DGKB: variants seen among roughly 807,000 people sequenced by gnomAD.
The protein encoded by DGKB is diacylglycerol kinase beta.
DGKB carries 67 observed loss-of-function variants against 114.3 expected under a neutral mutation model. The ratio of observed to expected loss-of-function variants is 0.59; its 90% CI spans 0.48 to 0.72. The LOEUF (loss-of-function observed/expected upper bound fraction) is 0.72, where lower values mean the gene tolerates loss of function less well. Among genes scored for constraint, DGKB ranks in the 30% least tolerant of loss-of-function variants. The pLI, the probability that DGKB is intolerant of heterozygous loss-of-function variation, is 0.00. For missense variants in DGKB, 907 were observed against 975.2 expected (o/e 0.93, Z 0.93); for synonymous variants, 398 against 323.1 (o/e 1.23, Z -2.49).
chr7:14,966,437 T>C (rs1787154073), intron 1 of DGKB, among the ~76,000 whole-genome samples: 2 of 145,008 alleles, frequency 1.4e-5, no homozygotes, highest in Non-Finnish European at 3.0e-5. Flanking sequence ...AATACACACA[T>C]ATTTGTGTGT....
chr7:14,264,529 G>T (rs1234421360), intron 23 of DGKB, among the ~76,000 whole-genome samples: 1 of 152,148 alleles, frequency 6.6e-6, no homozygotes, highest in African/African-American at 2.4e-5. Context: ...ATGAGTACTA[G>T]AGATTATTAA....
At chr7:14,769,662 A>G (rs917815201) in intron 2 of DGKB, among the ~76,000 whole-genome samples, 3 of 152,100 alleles carry the variant, frequency 2.0e-5, no homozygotes, top group Non-Finnish European at 4.4e-5. Flanking sequence ...TTACTTTTTC[A>G]TAATTCTGGA....
intron 23 of DGKB, among the ~76,000 whole-genome samples, chr7:14,180,693 A>G (rs1427816203): frequency 6.6e-6 from 1 of 152,168 alleles, no homozygotes; most frequent in Non-Finnish European, 1.5e-5. Flanking sequence ...TTGATACAGC[A>G]CAATCTGCAA....
chr7:14,608,860 G>A (rs1464830498), intron 16 of DGKB, among the ~76,000 whole-genome samples: 1 of 151,830 alleles, frequency 6.6e-6, no homozygotes, highest in Non-Finnish European at 1.5e-5. Flanking sequence ...TACAACTAAG[G>A]AAGGAGGTGA....
chr7:14,527,932 C>A (rs1473639053), intron 20 of DGKB, among the ~76,000 whole-genome samples: 1 of 152,042 alleles, frequency 6.6e-6, no homozygotes, highest in Admixed American at 6.6e-5. Context: ...GCACTAAAAA[C>A]TTCTGCTATA....
intron 1 of DGKB, among the ~76,000 whole-genome samples, chr7:14,896,305 TTGCATGCCAGATG>T: frequency 6.6e-6 from 1 of 151,884 alleles, no homozygotes; most frequent in Admixed American, 6.6e-5. Context: ...TGAGGATTAA[TTGCATGCCAGATG>T]TTCTTCTGGG....
intron 21 of DGKB, among the ~76,000 whole-genome samples, chr7:14,423,983 G>C (rs991269730): frequency 6.6e-6 from 1 of 151,988 alleles, no homozygotes; most frequent in African/African-American, 2.4e-5. Context: ...TATCCAGAAT[G>C]CAGCCATATT....
At chr7:14,753,900 G>C in intron 4 of DGKB, 28 bp downstream of exon 4, 1 of 1,384,492 alleles carries the variant, frequency 7.2e-7, no homozygotes, top group South Asian at 1.2e-5. Context: ...AGAAAAGACA[G>C]ACTTTAATAG....
chr7:14,421,256 A>G (rs530910614), intron 21 of DGKB, among the ~76,000 whole-genome samples: 41 of 152,226 alleles, frequency 2.7e-4, no homozygotes, highest in Middle Eastern at 3.4e-3. Context: ...TTTTGTGTCA[A>G]TAAATCTATG....
intron 21 of DGKB, among the ~76,000 whole-genome samples, chr7:14,383,500 T>C (rs967704779): frequency 6.6e-6 from 1 of 152,178 alleles, no homozygotes; most frequent in African/African-American, 2.4e-5. Context: ...TGTAGTCTTA[T>C]GTGTTGGCTT....
intron 23 of DGKB, among the ~76,000 whole-genome samples, chr7:14,214,212 C>T (rs1788592055): frequency 6.6e-6 from 1 of 152,110 alleles, no homozygotes; most frequent in East Asian, 1.9e-4. Context: ...AACTTGAAAC[C>T]CTTGACAGGG....
intron 23 of DGKB, among the ~76,000 whole-genome samples, chr7:14,181,008 C>A (rs1464169473): frequency 6.6e-6 from 1 of 151,932 alleles, no homozygotes; most frequent in African/African-American, 2.4e-5. Flanking sequence ...GGCCCCTAGC[C>A]CTTTTTGTAT....
At chr7:14,227,404 G>C (rs550404451) in intron 23 of DGKB, among the ~76,000 whole-genome samples, 13 of 152,050 alleles carry the variant, frequency 8.5e-5, no homozygotes, top group African/African-American at 2.9e-4. Context: ...CAAACTACCA[G>C]ATAAATCTAT....
chr7:14,367,794 G>A (rs976094244), intron 21 of DGKB, among the ~76,000 whole-genome samples: 4 of 151,918 alleles, frequency 2.6e-5, no homozygotes, highest in Non-Finnish European at 5.9e-5. Context: ...TTGTCACAGG[G>A]TGGCAGGAGA....
At chr7:14,564,214 A>G (rs114116173) in intron 20 of DGKB, among the ~76,000 whole-genome samples, 1,788 of 152,282 alleles carry the variant, frequency 0.012, 31 homozygotes, top group African/African-American at 0.041. Context: ...GGTTTTGCTG[A>G]AGCCATTAGT....
chr7:14,334,404 G>A lies in DGKB; in HGVS notation c.2122+4111C>T, dbSNP rs1026846922. Among the ~76,000 whole-genome samples the A allele has an allele frequency of 1.6e-4, 24 of 149,542 alleles. No individual in the cohort carries two copies. The South Asian group carries it at 2.8e-3, about 17-fold the overall frequency. ...TGTGTGTGTGTGTGTGTGCGCGCGC[G>A]TGTATGTGGGTATGTATAACTATCT... is the stretch of plus-strand genomic sequence containing the variant. On this transcript the variant is annotated intron_variant, in intron 23 of 25. Coordinates refer to ENST00000402815, the MANE Select transcript of DGKB (RefSeq NM_001350709.2).
intron 21 of DGKB, among the ~76,000 whole-genome samples, chr7:14,356,760 A>G (rs1245939560): frequency 6.6e-6 from 1 of 152,112 alleles, no homozygotes; most frequent in African/African-American, 2.4e-5. Flanking sequence ...CCGTCTACAC[A>G]CTGCTTTAAA....
At chr7:14,334,034 G>T (rs1044222480) in intron 23 of DGKB, among the ~76,000 whole-genome samples, 1 of 152,076 alleles carries the variant, frequency 6.6e-6, no homozygotes, top group African/African-American at 2.4e-5. Context: ...AATATTTGGG[G>T]GAGTTAATTA....
intron 23 of DGKB, among the ~76,000 whole-genome samples, chr7:14,206,081 C>T (rs1786760591): frequency 6.6e-6 from 1 of 151,938 alleles, no homozygotes; most frequent in Non-Finnish European, 1.5e-5. Context: ...TGTAAATTCT[C>T]TTAAAACTTG....
Sources: gnomAD v4.1 joint callset for allele counts (sites outside exome capture counted in the v4.1 genomes callset) on GRCh38, gnomAD v4.1.1 for gene constraint, MANE v1.5 for transcripts, NCBI Gene and HGNC (gene_info 2026-07-23, HGNC 2026-07-21) for gene names.